Variants in SMAD2 observed in about 807,000 individuals in gnomAD.
SMAD2 encodes the protein MAD homolog 2.
In SMAD2, 8 loss-of-function variants were observed where a neutral mutation model predicts 64.4. The observed-to-expected ratio is 0.12, with a 90% confidence interval of 0.07 to 0.22. The LOEUF (loss-of-function observed/expected upper bound fraction) is 0.22. SMAD2 is among the 10% of genes least tolerant of loss of function. The pLI, the probability that SMAD2 is intolerant of heterozygous loss-of-function variation, is 1.00. For missense variants in SMAD2, 289 were observed against 561.2 expected (o/e 0.51, Z 4.90); for synonymous variants, 203 against 195.8 (o/e 1.04, Z -0.31).
Position 47,837,212 on chromosome 18 carries a change from A to G in SMAD2, c.*4615T>C, listed in dbSNP as rs570835831. 1.0e-5 allele frequency: 2 copies of G among 199,560 alleles called. No homozygotes were observed. Among genetic ancestry groups the G allele is most frequent in the East Asian group, 1.6e-4 (2 of 12,882 alleles). The allele number at this position is 199,560 out of a possible 1,614,324, so 12.4% of individuals were successfully genotyped here. ...AATTAGGACTCTAGGTATGAAAAGC[A>G]TGTTCCTTTTTTGTTAATAAGTTCA... is the stretch of plus-strand genomic sequence containing the variant. On this transcript the variant is annotated 3_prime_UTR_variant, in exon 11 of 11. Transcript: ENST00000262160.
Position 47,818,017 on chromosome 18 carries a change from T to C in SMAD2, c.*23810A>G, listed in dbSNP as rs954824495. 4 of 152,268 alleles carry C rather than the reference T, an allele frequency of 2.6e-5. No individual in the cohort carries two copies. Among genetic ancestry groups the C allele is most frequent in the Non-Finnish European group, 4.4e-5 (3 of 68,050 alleles). The allele number at this position is 152,268 out of a possible 1,614,324, so 9.4% of individuals were successfully genotyped here. On this transcript the variant is annotated 3_prime_UTR_variant, in exon 11 of 11. Coordinates refer to ENST00000262160, the MANE Select transcript of SMAD2 (RefSeq NM_005901.6). The stretch of plus-strand genomic sequence containing the variant: ...AGGTCAGCTATGTGGCTTTTCCTCA[T>C]GCATGTTTTTGGATCAATGACCATC...
At chr18:47,848,059 T>C (rs936013788) in intron 8 of SMAD2, among the ~76,000 whole-genome samples, 1 of 151,838 alleles carries the variant, frequency 6.6e-6, no homozygotes, top group African/African-American at 2.4e-5. Flanking sequence ...TTTCATTTAA[T>C]ATATAAACTC....
In SMAD2 at chr18:47,833,355, C is replaced by T. The variant is rs75588888; in HGVS notation, c.*8472G>A. 1 of 221,144 alleles carries T rather than the reference C, an allele frequency of 4.5e-6. No homozygotes were observed. Among genetic ancestry groups the T allele is most frequent in the Admixed American group, 5.8e-5 (1 of 17,370 alleles). 13.7% of individuals were successfully genotyped at this position (221,144 alleles called of 1,614,324 possible). A position where few individuals can be genotyped will look rare whatever the true frequency, so the allele number is the denominator to read the frequency against. On this transcript the variant is annotated 3_prime_UTR_variant, in exon 11 of 11. Coordinates refer to ENST00000262160, the MANE Select transcript of SMAD2 (RefSeq NM_005901.6). ...GTGGGAGAAAGACATCAGTATTCAA[C>T]AATTTTAACTTGAAAACCAGCTGTA... is the stretch of plus-strand genomic sequence containing the variant.
At position 47,816,096 on chromosome 18, in the gene SMAD2, T is replaced by C. The variant is rs1912355808; in HGVS notation, c.*25731A>G. 6.6e-6 allele frequency: 1 copy of C among 152,212 alleles called. No individual in the cohort carries two copies. Among genetic ancestry groups the C allele is most frequent in the Non-Finnish European group, 1.5e-5 (1 of 68,038 alleles). 9.4% of individuals were successfully genotyped at this position (152,212 alleles called of 1,614,324 possible). A position where few individuals can be genotyped will look rare whatever the true frequency, so the allele number is the denominator to read the frequency against. ...GTAAACACATACCTCATGTCTTGGC[T>C]TCTAGAGCCCGGAGATAAGATCAGC... On this transcript the variant is annotated 3_prime_UTR_variant, in exon 11 of 11. Transcript: ENST00000262160.
rs16958520 is a variant in SMAD2, at chr18:47,837,229, A to G, written c.*4598T>C. The G allele has an allele frequency of 0.014, 2,769 of 197,592 alleles. 69 individuals are homozygous for G. The highest frequency in any genetic ancestry group is 0.059 in the African/African-American group (2,542 of 43,380). The allele number at this position is 197,592 out of a possible 1,614,324, so 12.2% of individuals were successfully genotyped here. A position where few individuals can be genotyped will look rare whatever the true frequency, so the allele number is the denominator to read the frequency against. ...TGAAAAGCATGTTCCTTTTTTGTTA[A>G]TAAGTTCAAAGGAGAGAAACATTCT... On this transcript the variant is annotated 3_prime_UTR_variant, in exon 11 of 11. Transcript: ENST00000262160.
At position 47,812,039 on chromosome 18, in the gene SMAD2, G is replaced by C. The variant is rs1912222384; in HGVS notation, c.*29788C>G. 1 of 152,202 alleles carries C rather than the reference G, an allele frequency of 6.6e-6. No individual in the cohort carries two copies. Among genetic ancestry groups the C allele is most frequent in the African/African-American group, 2.4e-5 (1 of 41,454 alleles). The allele number at this position is 152,202 out of a possible 1,614,324, so 9.4% of individuals were successfully genotyped here. On this transcript the variant is annotated 3_prime_UTR_variant, in exon 11 of 11. Transcript: ENST00000262160. ...GAGACTGGGTAATTTATAAAGGAAA[G>C]AGGTTTAATTGACTCAACAGTTCCA...
At position 47,819,120 on chromosome 18, in the gene SMAD2, C is replaced by T. The variant is rs892484736; in HGVS notation, c.*22707G>A. The stretch of plus-strand genomic sequence containing the variant: ...CTAATACAAAATATATAGTAATTAA[C>T]ACAAGTGCCTTTTAGTTAATATAAC... On this transcript the variant is annotated 3_prime_UTR_variant, in exon 11 of 11. Transcript: ENST00000262160. The T allele has an allele frequency of 5.9e-5, 9 of 152,318 alleles. No homozygotes were observed. In the East Asian group the frequency reaches 1.7e-3, roughly 29 times the overall value. 9.4% of individuals were successfully genotyped at this position (152,318 alleles called of 1,614,324 possible).
chr18:47,842,804 G>A (rs902924796), intron 10 of SMAD2, among the ~76,000 whole-genome samples: 3 of 152,012 alleles, frequency 2.0e-5, no homozygotes, highest in African/African-American at 7.2e-5. Flanking sequence ...AACACCATTC[G>A]GGCTTTTAAT....
rs1330625343 is a variant in SMAD2 at position 47,836,089 on chromosome 18, C to T, written c.*5738G>A. 2 of 215,128 alleles carry T rather than the reference C, an allele frequency of 9.3e-6. No individual in the cohort carries two copies. Among genetic ancestry groups the T allele is most frequent in the Admixed American group, 5.8e-5 (1 of 17,124 alleles). The allele number at this position is 215,128 out of a possible 1,614,324, so 13.3% of individuals were successfully genotyped here. ...CTGAAGTTAAGTTAATATACTCCAG[C>T]GAGATCACCTGTGGGTCAAGGATGG... On this transcript the variant is annotated 3_prime_UTR_variant, in exon 11 of 11. Transcript: ENST00000262160.
In SMAD2 at chr18:47,896,568, T is replaced by C; in HGVS notation, c.189A>G (p.Lys63=). The part of the protein sequence containing the change: ...KKTGRLDELE[K]AITTQNCNTK... Reference sequence around the variant, plus strand: ...TATTACAGTTTTGAGTGGTGATGGCTTTCTCAAGCTCATCTAATCGTCCTG... The same window carrying C: ...TATTACAGTTTTGAGTGGTGATGGCCTTCTCAAGCTCATCTAATCGTCCTG... Residue 63 remains lysine (K), a synonymous_variant, in exon 2 of 11, where the codon AAA becomes AAG. Coordinates refer to ENST00000262160, the MANE Select transcript of SMAD2 (RefSeq NM_005901.6). 6.2e-7 allele frequency: 1 copy of C among 1,614,186 alleles called. No individual in the cohort carries two copies. The highest frequency in any genetic ancestry group is 8.5e-7 in the Non-Finnish European group (1 of 1,180,032).
intron 2 of SMAD2, among the ~76,000 whole-genome samples, chr18:47,883,598 A>G (rs574417935): frequency 1.6e-3 from 247 of 152,288 alleles, no homozygotes; most frequent in African/African-American, 5.8e-3. Context: ...ATTCTGTCCC[A>G]TTAATTCTAC....
At chr18:47,862,032 T>C (rs1233474492) in intron 6 of SMAD2, among the ~76,000 whole-genome samples, 2 of 152,230 alleles carry the variant, frequency 1.3e-5, no homozygotes. Context: ...TTTGATTATA[T>C]GCATTTAGTT....
At chr18:47,921,047 C>T (rs2034540083) in intron 1 of SMAD2, among the ~76,000 whole-genome samples, 1 of 152,202 alleles carries the variant, frequency 6.6e-6, no homozygotes, top group South Asian at 2.1e-4. Context: ...GTCCCAACTA[C>T]TCAGGTAGCT....
At chr18:47,850,632 ATT>A (rs1915340339) in intron 7 of SMAD2, among the ~76,000 whole-genome samples, 1 of 45,588 alleles carries the variant, frequency 2.2e-5, no homozygotes, top group South Asian at 5.7e-4. Context: ...TTATATATAT[ATT>A]ATATATATTA....
chr18:47,815,808 G>A lies in SMAD2; in HGVS notation c.*26019C>T, dbSNP rs977978859. On this transcript the variant is annotated 3_prime_UTR_variant, in exon 11 of 11. Coordinates refer to ENST00000262160, the MANE Select transcript of SMAD2 (RefSeq NM_005901.6). ...AGGACATTGTCTTAATTTTCCTGTT[G>A]TCTTAACAGAGGATTTACTGAGCCC... 2 of 152,226 alleles carry A rather than the reference G, an allele frequency of 1.3e-5. No individual in the cohort carries two copies. Among genetic ancestry groups the A allele is most frequent in the Non-Finnish European group, 2.9e-5 (2 of 68,054 alleles). The allele number at this position is 152,226 out of a possible 1,614,324, so 9.4% of individuals were successfully genotyped here.
chr18:47,896,891 G>A, intron 1 of SMAD2, 82 bp from the exon 2 acceptor site: 1 of 1,282,060 alleles, frequency 7.8e-7, no homozygotes, highest in Non-Finnish European at 1.1e-6. Context: ...AAAGCAAACT[G>A]CAAAGCAAGA....
At chr18:47,908,352 G>A (rs1456937357) in intron 1 of SMAD2, among the ~76,000 whole-genome samples, 2 of 152,142 alleles carry the variant, frequency 1.3e-5, no homozygotes, top group African/African-American at 4.8e-5. Context: ...TGGACAACAT[G>A]GGTTTAAACT....
At chr18:47,927,720 T>C (rs964469902) in intron 1 of SMAD2, among the ~76,000 whole-genome samples, 7 of 152,038 alleles carry the variant, frequency 4.6e-5, no homozygotes, top group Non-Finnish European at 1.0e-4. Context: ...ACCAACATGG[T>C]GAAACCCCGT....
chr18:47,882,682 G>A (rs2032677242), intron 2 of SMAD2, among the ~76,000 whole-genome samples: 1 of 152,140 alleles, frequency 6.6e-6, no homozygotes, highest in Admixed American at 6.5e-5. Flanking sequence ...TGAGTTTATT[G>A]TCTATAAGAT....
Sources: allele counts gnomAD v4.1 joint callset (sites outside exome capture counted in the v4.1 genomes callset), GRCh38; gene constraint gnomAD v4.1.1; transcripts MANE v1.5; gene names NCBI Gene and HGNC (gene_info 2026-07-23, HGNC 2026-07-21).